The following GNL3L variants were observed in gnomAD, a reference collection of about 807,000 sequenced individuals.
The protein encoded by GNL3L is guanine nucleotide-binding protein-like 3-like protein.
GNL3L carries 4 observed loss-of-function variants against 42.9 expected under a neutral mutation model. The observed-to-expected ratio is 0.09, with a 90% CI of 0.05 to 0.21. The LOEUF (loss-of-function observed/expected upper bound fraction) is 0.21, where lower values mean the gene tolerates loss of function less well. GNL3L is among the 10% of genes least tolerant of loss of function. GNL3L has a pLI of 1.00. For synonymous variants in GNL3L, 159 were observed against 176.3 expected (o/e 0.90, Z 0.78); for missense variants, 412 against 481.7 (o/e 0.86, Z 1.36).
chrX:54,545,582 TTA>T (rs1414098965), intron 8 of GNL3L, among the ~76,000 whole-genome samples: 1 of 111,748 alleles, frequency 8.9e-6, no homozygotes, highest in East Asian at 2.8e-4. Context: ...TTCTTCCCAA[TTA>T]TATCATTAAT....
intron 15 of GNL3L, among the ~76,000 whole-genome samples, chrX:54,559,050 A>T (rs758536386): frequency 8.9e-6 from 1 of 112,090 alleles, no homozygotes; most frequent in Non-Finnish European, 1.9e-5. Context: ...AGGAGGCTCA[A>T]CTACTAGCAC....
intron 16 of GNL3L, among the ~76,000 whole-genome samples, chrX:54,601,920 T>A (rs1297822984): frequency 8.9e-6 from 1 of 112,317 alleles, no homozygotes; most frequent in Non-Finnish European, 1.9e-5. Flanking sequence ...CAATAATTTG[T>A]TTTTTTCTTC....
At chrX:54,595,846 GA>G (rs2147523384) in intron 16 of GNL3L, among the ~76,000 whole-genome samples, 1 of 112,094 alleles carries the variant, frequency 8.9e-6, no homozygotes, top group East Asian at 2.8e-4. Context: ...ATGCCACTTG[GA>G]TTTTTCAACT....
intron 16 of GNL3L, among the ~76,000 whole-genome samples, chrX:54,581,733 C>A (rs1925718127): frequency 8.9e-6 from 1 of 112,277 alleles, no homozygotes; most frequent in South Asian, 3.7e-4. Context: ...GTTGTTGCAA[C>A]AAACAATAGT....
rs149744359 is a variant in GNL3L, at chrX:54,552,365, A to G, written c.1255A>G (p.Lys419Glu). The change falls in exon 13 of 16, where the codon AAG (lysine) becomes GAG (glutamate). Residue 419 changes from lysine to glutamate, a missense_variant. Coordinates refer to ENST00000360845, the MANE Select transcript of GNL3L (RefSeq NM_001184819.2). ...CACCCATCTCAGTGCTGAGATCGTT[A>G]AGGAAATGACCGAGGTCTTTGACAT... ...LPTHLSAEIVKEMTEVFDIED... is the reference protein window; with the variant it reads ...LPTHLSAEIVEEMTEVFDIED... The G allele has an allele frequency of 6.3e-4, 756 of 1,205,724 alleles. No homozygotes were observed. The highest frequency in any genetic ancestry group is 1.2e-3 in the Admixed American group (53 of 45,653).
chrX:54,543,771 C>T (rs1320897898), intron 7 of GNL3L, among the ~76,000 whole-genome samples: 2 of 111,827 alleles, frequency 1.8e-5, no homozygotes, highest in South Asian at 3.7e-4. Flanking sequence ...CCATGGGTAT[C>T]CCAACCTCAC....
At chrX:54,576,808 A>G (rs925846780) in intron 16 of GNL3L, among the ~76,000 whole-genome samples, 3 of 111,724 alleles carry the variant, frequency 2.7e-5, no homozygotes, top group Non-Finnish European at 3.8e-5. Flanking sequence ...GAATTTATGT[A>G]TGCCATTAAA....
intron 16 of GNL3L, among the ~76,000 whole-genome samples, chrX:54,588,204 C>A (rs1197303630): frequency 9.0e-6 from 1 of 111,636 alleles, no homozygotes; most frequent in Admixed American, 9.6e-5. Flanking sequence ...TCTCTTATTT[C>A]TTTTTCTTGC....
intron 16 of GNL3L, among the ~76,000 whole-genome samples, chrX:54,582,263 T>TG (rs1925726591): frequency 9.0e-6 from 1 of 111,731 alleles, no homozygotes; most frequent in South Asian, 3.8e-4. Context: ...TTTCTGTACA[T>TG]GCTGGCTCCC....
chrX:54,534,433 A>C (rs773323095), intron 2 of GNL3L, among the ~76,000 whole-genome samples: 1 of 110,909 alleles, frequency 9.0e-6, no homozygotes, highest in Non-Finnish European at 1.9e-5. Flanking sequence ...GTTTCAGAGA[A>C]TGTTGTGGGA....
intron 8 of GNL3L, among the ~76,000 whole-genome samples, chrX:54,546,977 C>T (rs1924791439): frequency 9.2e-6 from 1 of 108,506 alleles, no homozygotes; most frequent in Non-Finnish European, 1.9e-5. Flanking sequence ...AAATAGAAGC[C>T]GCCTTTTCTT....
the GNL3L span, among the ~76,000 whole-genome samples, chrX:54,645,615 T>C: frequency 8.9e-6 from 1 of 112,306 alleles, no homozygotes; most frequent in East Asian, 2.8e-4. Context: ...TCAATATGTA[T>C]AAGTGAGATT....
At chrX:54,590,478 T>C (rs1925854647) in intron 16 of GNL3L, among the ~76,000 whole-genome samples, 1 of 112,023 alleles carries the variant, frequency 8.9e-6, no homozygotes. Flanking sequence ...GTGGGTTCCA[T>C]TGATGAAAGA....
chrX:54,581,132 A>G (rs1246219801), intron 16 of GNL3L, among the ~76,000 whole-genome samples: 1 of 112,513 alleles, frequency 8.9e-6, no homozygotes, highest in Non-Finnish European at 1.9e-5. Context: ...GAGAAATTCC[A>G]TGTAAGCTTT....
the GNL3L span, among the ~76,000 whole-genome samples, chrX:54,626,656 T>G: frequency 4.5e-5 from 5 of 111,713 alleles, no homozygotes; most frequent in Non-Finnish European, 9.4e-5. Context: ...AGTGTTCCCC[T>G]CTCTCCATGT....
At chrX:54,574,167 A>G (rs1361414990) in intron 16 of GNL3L, among the ~76,000 whole-genome samples, 1 of 111,571 alleles carries the variant, frequency 9.0e-6, no homozygotes, top group Admixed American at 9.6e-5. Flanking sequence ...GACTAGGACA[A>G]TGTTGTGTAG....
chrX:54,556,058 G>A (rs185796973), intron 14 of GNL3L, among the ~76,000 whole-genome samples: 25 of 110,887 alleles, frequency 2.3e-4, no homozygotes, highest in Admixed American at 1.8e-3. Flanking sequence ...GATAGGGGTC[G>A]AGGTTGGGAC....
intron 16 of GNL3L, among the ~76,000 whole-genome samples, chrX:54,607,075 T>C (rs1474562003): frequency 1.6e-4 from 6 of 36,882 alleles, no homozygotes; most frequent in African/African-American, 6.6e-4. Context: ...TTTCTTTCTC[T>C]TTCTTTCTTC....
downstream of GNL3L, among the ~76,000 whole-genome samples, chrX:54,571,498 CTTTTTTT>C (rs1161595672): frequency 2.3e-5 from 2 of 86,521 alleles, no homozygotes; most frequent in African/African-American, 8.6e-5. Flanking sequence ...TGCGCCCGGC[CTTTTTTT>C]TTTTTTTTTT....
Sources: allele counts gnomAD v4.1 joint callset (sites outside exome capture counted in the v4.1 genomes callset), GRCh38; gene constraint gnomAD v4.1.1; transcripts MANE v1.5; gene names NCBI Gene and HGNC (gene_info 2026-07-23, HGNC 2026-07-21).